Variants in CDH13 observed in about 807,000 individuals in gnomAD.
CDH13 encodes cadherin 13.
In CDH13, 24 loss-of-function variants were observed where a neutral mutation model predicts 63.8. The ratio of observed to expected loss-of-function variants is 0.38; its 90% CI spans 0.27 to 0.53. The LOEUF is 0.53. Ranked by LOEUF, CDH13 falls within the 20% of genes least tolerant of loss-of-function variation. The pLI, the probability that CDH13 is intolerant of heterozygous loss-of-function variation, is 0.85. For missense variants in CDH13, 1,049 were observed against 903.1 expected (o/e 1.16, Z -2.07); for synonymous variants, 503 against 355.3 (o/e 1.42, Z -4.67).
At chr16:82,662,890 C>G (rs1025524851) in intron 1 of CDH13, among the ~76,000 whole-genome samples, 2 of 111,190 alleles carry the variant, frequency 1.8e-5, no homozygotes, top group Non-Finnish European at 4.5e-5. Flanking sequence ...GCCTGTGTGT[C>G]TGGTACCCTT....
intron 1 of CDH13, among the ~76,000 whole-genome samples, chr16:82,687,861 G>C (rs543359568): frequency 5.8e-4 from 88 of 152,262 alleles, no homozygotes; most frequent in African/African-American, 2.1e-3. Flanking sequence ...GGTAGGAGCA[G>C]AGCCAGGGCA....
chr16:83,237,236 C>G (rs1313478814), intron 5 of CDH13, among the ~76,000 whole-genome samples: 1 of 152,198 alleles, frequency 6.6e-6, no homozygotes, highest in Non-Finnish European at 1.5e-5. Context: ...CTGCCTGTCT[C>G]AGCAAAGAGC....
At chr16:82,709,035 A>C (rs144923962) in intron 1 of CDH13, among the ~76,000 whole-genome samples, 10 of 152,234 alleles carry the variant, frequency 6.6e-5, no homozygotes, top group African/African-American at 1.7e-4. Context: ...GGACAGGCCC[A>C]AGGGTAAGAA....
At chr16:82,749,838 C>G (rs771096372) in intron 1 of CDH13, among the ~76,000 whole-genome samples, 62 of 152,104 alleles carry the variant, frequency 4.1e-4, no homozygotes, top group Non-Finnish European at 8.1e-4. Flanking sequence ...TTCACCAGCA[C>G]CTAACATACA....
chr16:82,735,025 G>A (rs1004190099), intron 1 of CDH13, among the ~76,000 whole-genome samples: 1 of 152,206 alleles, frequency 6.6e-6, no homozygotes, highest in African/African-American at 2.4e-5. Context: ...ACTGAGAGAT[G>A]AAGGTGGCTT....
chr16:83,033,108 A>T (rs994968339), intron 3 of CDH13, among the ~76,000 whole-genome samples: 5 of 152,322 alleles, frequency 3.3e-5, no homozygotes, highest in Middle Eastern at 6.8e-3. Context: ...GTACACATAC[A>T]TATGGTATAT....
intron 5 of CDH13, among the ~76,000 whole-genome samples, chr16:83,266,044 C>T (rs539441709): frequency 6.6e-6 from 1 of 152,124 alleles, no homozygotes; most frequent in Non-Finnish European, 1.5e-5. Flanking sequence ...TCAAGCGATT[C>T]TCCTGCCTCA....
At chr16:83,209,858 C>T (rs1422624940) in intron 4 of CDH13, among the ~76,000 whole-genome samples, 4 of 151,954 alleles carry the variant, frequency 2.6e-5, no homozygotes, top group African/African-American at 7.3e-5. Flanking sequence ...GGTAAGTAAT[C>T]GCCGGCACCA....
At chr16:82,853,988 A>G (rs918737945) in intron 1 of CDH13, among the ~76,000 whole-genome samples, 2 of 152,196 alleles carry the variant, frequency 1.3e-5, no homozygotes, top group South Asian at 4.1e-4. Flanking sequence ...TCTTACAGCA[A>G]TGAGGGGTGC....
chr16:83,529,699 C>G (rs752214273), intron 7 of CDH13, among the ~76,000 whole-genome samples: 2 of 151,936 alleles, frequency 1.3e-5, no homozygotes, highest in South Asian at 4.1e-4. Flanking sequence ...GATTTTAATA[C>G]AAGCACAAAG....
chr16:83,085,628 C>T (rs1057510669), intron 3 of CDH13, among the ~76,000 whole-genome samples: 1 of 152,216 alleles, frequency 6.6e-6, no homozygotes, highest in Non-Finnish European at 1.5e-5. Flanking sequence ...GAGGCTGACA[C>T]AGCAAGCATT....
Position 83,528,588 on chromosome 16 carries a change from T to C in CDH13, c.960+41933T>C, listed in dbSNP as rs532357011. On this transcript the variant is annotated intron_variant, in intron 7 of 13. Transcript: ENST00000567109. ...TACATAAATCTTATTTCAAAAGGGATTTCTACTATAAATATTAGATCATCT... is the reference window on the plus strand; with the variant it reads ...TACATAAATCTTATTTCAAAAGGGACTTCTACTATAAATATTAGATCATCT... 3.3e-4 allele frequency among the ~76,000 whole-genome samples: 50 copies of C among 152,302 alleles called. 1 individual carries two copies. Among genetic ancestry groups the C allele is most frequent in the African/African-American group, 7.5e-4 (31 of 41,564 alleles).
chr16:82,668,920 G>A (rs563477560), intron 1 of CDH13, among the ~76,000 whole-genome samples: 1 of 152,320 alleles, frequency 6.6e-6, no homozygotes, highest in South Asian at 2.1e-4. Context: ...GTTTACCCCT[G>A]TGTAAAGTGA....
At chr16:82,692,926 G>C (rs1326879975) in intron 1 of CDH13, among the ~76,000 whole-genome samples, 1 of 152,160 alleles carries the variant, frequency 6.6e-6, no homozygotes, top group Non-Finnish European at 1.5e-5. Flanking sequence ...CTAGCCAATA[G>C]AGTACCTCAA....
At chr16:83,614,952 A>C (rs1438411646) in intron 8 of CDH13, among the ~76,000 whole-genome samples, 1 of 152,130 alleles carries the variant, frequency 6.6e-6, no homozygotes, top group Non-Finnish European at 1.5e-5. Flanking sequence ...GCAAGAAGGG[A>C]ACTCTAAATC....
chr16:83,269,200 A>G (rs957569825), intron 5 of CDH13, among the ~76,000 whole-genome samples: 1 of 152,206 alleles, frequency 6.6e-6, no homozygotes, highest in Non-Finnish European at 1.5e-5. Flanking sequence ...GTCATAACCT[A>G]ACATAGTTTG....
chr16:83,579,544 C>G (rs992957965), intron 7 of CDH13, among the ~76,000 whole-genome samples: 4 of 152,066 alleles, frequency 2.6e-5, no homozygotes, highest in African/African-American at 9.7e-5. Flanking sequence ...ATCATGAGAC[C>G]AGCAAGGGGG....
At chr16:83,583,257 A>C (rs1905805364) in intron 7 of CDH13, among the ~76,000 whole-genome samples, 1 of 152,130 alleles carries the variant, frequency 6.6e-6, no homozygotes, top group Non-Finnish European at 1.5e-5. Flanking sequence ...CTTTAACTTA[A>C]TTACATCTGC....
In CDH13 at chr16:83,670,983, T is replaced by C. The variant is rs573641085; in HGVS notation, c.1284+11T>C. 89 of 1,573,058 alleles carry C rather than the reference T, an allele frequency of 5.7e-5. 1 individual carries two copies. The South Asian group carries it at 9.4e-4, about 17-fold the overall frequency. Reference sequence around the variant, plus strand: ...CTTTCTGTTGTCAAAGTAAGGGTGCTTCCAATTGCCTCTTTCTCCTCATGC... The same window carrying C: ...CTTTCTGTTGTCAAAGTAAGGGTGCCTCCAATTGCCTCTTTCTCCTCATGC... On this transcript the variant is annotated intron_variant, in intron 9 of 13. Transcript: ENST00000567109.
Sources: gnomAD v4.1 joint callset for allele counts (sites outside exome capture counted in the v4.1 genomes callset) on GRCh38, gnomAD v4.1.1 for gene constraint, MANE v1.5 for transcripts, NCBI Gene and HGNC (gene_info 2026-07-23, HGNC 2026-07-21) for gene names.